FSTL4: variants seen among roughly 807,000 people sequenced by gnomAD.
The protein encoded by FSTL4 is follistatin-related protein 4.
FSTL4 carries 28 observed loss-of-function variants against 78.2 expected under a neutral mutation model. That is an observed-to-expected ratio of 0.36 (90% confidence interval 0.27 to 0.49). The LOEUF is 0.49. FSTL4 is among the 20% of genes least tolerant of loss of function. The probability of loss-of-function intolerance (pLI) is 0.98; values close to 1 mark genes in which losing one functional copy is unlikely to be tolerated. For synonymous variants in FSTL4, 422 were observed against 440.5 expected (o/e 0.96, Z 0.53); for missense variants, 922 against 1,084.9 (o/e 0.85, Z 2.11).
chr5:133,399,359 A>G (rs1756158650), intron 4 of FSTL4, among the ~76,000 whole-genome samples: 1 of 152,154 alleles, frequency 6.6e-6, no homozygotes, highest in African/African-American at 2.4e-5. Context: ...TGATCTCTGA[A>G]GCACCTTGGC....
chr5:133,533,875 C>A (rs1759303046), intron 3 of FSTL4, among the ~76,000 whole-genome samples: 1 of 152,046 alleles, frequency 6.6e-6, no homozygotes. Flanking sequence ...CCAGGTGCTC[C>A]CACAGCTCTG....
chr5:133,685,366 G>C, the FSTL4 span, among the ~76,000 whole-genome samples: 1 of 152,192 alleles, frequency 6.6e-6, no homozygotes, highest in Non-Finnish European at 1.5e-5. Context: ...ACGGTCCTTG[G>C]CCAGCTGCGT....
chr5:133,822,876 T>A, the FSTL4 span, among the ~76,000 whole-genome samples: 1 of 151,958 alleles, frequency 6.6e-6, no homozygotes, highest in African/African-American at 2.4e-5. Flanking sequence ...GGGAAGGAAA[T>A]GTGATTCATT....
intron 3 of FSTL4, among the ~76,000 whole-genome samples, chr5:133,561,047 C>G (rs1387809062): frequency 6.6e-6 from 1 of 150,694 alleles, no homozygotes; most frequent in Non-Finnish European, 1.5e-5. Context: ...CGAGATCGCA[C>G]CACTGCACTC....
chr5:133,601,265 GCAT>G (rs1347575509), intron 2 of FSTL4, among the ~76,000 whole-genome samples: 1 of 152,198 alleles, frequency 6.6e-6, no homozygotes, highest in Non-Finnish European at 1.5e-5. Context: ...GCTTAAAAAT[GCAT>G]CAAACCTCTA....
the FSTL4 span, among the ~76,000 whole-genome samples, chr5:133,739,613 A>G: frequency 1.3e-5 from 2 of 152,178 alleles, no homozygotes; most frequent in African/African-American, 4.8e-5. Context: ...GCCCGCCTAA[A>G]TCTTCAAGGG....
intron 6 of FSTL4, among the ~76,000 whole-genome samples, chr5:133,306,629 T>C (rs574734901): frequency 7.2e-5 from 11 of 152,338 alleles, no homozygotes; most frequent in African/African-American, 2.6e-4. Flanking sequence ...AGGCACTTCC[T>C]CTGCCCCTGT....
intron 3 of FSTL4, among the ~76,000 whole-genome samples, chr5:133,445,206 G>A (rs961434201): frequency 5.9e-5 from 9 of 152,206 alleles, no homozygotes; most frequent in African/African-American, 1.7e-4. Flanking sequence ...TTCAAAAATC[G>A]AGAAGCAGAG....
chr5:133,666,830 G>A, the FSTL4 span, among the ~76,000 whole-genome samples: 3 of 152,134 alleles, frequency 2.0e-5, no homozygotes, highest in South Asian at 6.2e-4. Context: ...GTTGAAAAAG[G>A]TTTCTTAAGT....
At chr5:133,451,436 C>T (rs1554115466) in intron 3 of FSTL4, among the ~76,000 whole-genome samples, 1 of 152,126 alleles carries the variant, frequency 6.6e-6, no homozygotes, top group Non-Finnish European at 1.5e-5. Flanking sequence ...TGGCAGGCAC[C>T]TGTAATGCCA....
chr5:133,658,409 T>A, the FSTL4 span, among the ~76,000 whole-genome samples: 1 of 152,104 alleles, frequency 6.6e-6, no homozygotes, highest in African/African-American at 2.4e-5. Flanking sequence ...GAGCTGGAAA[T>A]TTTTTGGAAA....
chr5:133,634,466 G>A, the FSTL4 span, among the ~76,000 whole-genome samples: 1 of 151,762 alleles, frequency 6.6e-6, no homozygotes, highest in Non-Finnish European at 1.5e-5. Flanking sequence ...GAACATATGA[G>A]GCAAAGAGAA....
At chr5:133,755,557 C>A in the FSTL4 span, among the ~76,000 whole-genome samples, 1 of 152,196 alleles carries the variant, frequency 6.6e-6, no homozygotes, top group Non-Finnish European at 1.5e-5. Context: ...TAGACCTCAC[C>A]CACATTTCAG....
At chr5:133,325,590 G>T (rs1488094264) in intron 4 of FSTL4, among the ~76,000 whole-genome samples, 1 of 152,190 alleles carries the variant, frequency 6.6e-6, no homozygotes, top group African/African-American at 2.4e-5. Context: ...GGGGAAGAAA[G>T]ACTTGCCTGG....
At position 133,577,661 on chromosome 5, in the gene FSTL4, T is replaced by C. The variant is rs565949100; in HGVS notation, c.127-10442A>G. 1.1e-4 allele frequency among the ~76,000 whole-genome samples: 17 copies of C among 152,236 alleles called. 1 individual carries two copies. The highest frequency in any genetic ancestry group is 1.0e-3 in the South Asian group (5 of 4,818). On this transcript the variant is annotated intron_variant, in intron 2 of 15. Coordinates refer to ENST00000265342, the MANE Select transcript of FSTL4 (RefSeq NM_015082.2). The stretch of plus-strand genomic sequence containing the variant: ...GGGGAGAGGGCTGGGCATGGCCATA[T>C]AGGCAAAGAATGTGCAAGTCTCCTT...
chr5:133,731,257 A>G, the FSTL4 span, among the ~76,000 whole-genome samples: 26 of 152,150 alleles, frequency 1.7e-4, no homozygotes, highest in Non-Finnish European at 2.9e-4. Context: ...TCTGGACAGG[A>G]CTCGACTGGA....
At chr5:133,603,216 G>A (rs1312600756) in intron 2 of FSTL4, among the ~76,000 whole-genome samples, 1 of 152,132 alleles carries the variant, frequency 6.6e-6, no homozygotes. Flanking sequence ...CTTGGAGAGG[G>A]CCAGGTTGCA....
At chr5:133,395,729 G>A (rs1756020995) in intron 4 of FSTL4, among the ~76,000 whole-genome samples, 1 of 151,876 alleles carries the variant, frequency 6.6e-6, no homozygotes, top group African/African-American at 2.4e-5. Context: ...TGTACTCCTA[G>A]AAAGCCTTCC....
chr5:133,740,851 G>A, the FSTL4 span, among the ~76,000 whole-genome samples: 1 of 152,118 alleles, frequency 6.6e-6, no homozygotes, highest in African/African-American at 2.4e-5. Flanking sequence ...AGCCTAGAAG[G>A]GTTAGGTAGC....
Sources: allele counts gnomAD v4.1 joint callset (sites outside exome capture counted in the v4.1 genomes callset), GRCh38; gene constraint gnomAD v4.1.1; transcripts MANE v1.5; gene names NCBI Gene and HGNC (gene_info 2026-07-23, HGNC 2026-07-21).